WDR26: variants seen among roughly 807,000 people sequenced by gnomAD.
The protein encoded by WDR26 is WD repeat domain 26.
WDR26 carries 5 observed loss-of-function variants against 84.1 expected under a neutral mutation model. That is an observed-to-expected ratio of 0.06 (90% confidence interval 0.03 to 0.13). The LOEUF (loss-of-function observed/expected upper bound fraction) is 0.13, where lower values mean the gene tolerates loss of function less well. Among genes scored for constraint, WDR26 ranks in the 10% least tolerant of loss-of-function variants. The probability of loss-of-function intolerance (pLI) is 1.00; values close to 1 mark genes in which losing one functional copy is unlikely to be tolerated. For synonymous variants in WDR26, 415 were observed against 389.6 expected (o/e 1.07, Z -0.77); for missense variants, 642 against 974.9 (o/e 0.66, Z 4.55).
At chr1:224,428,707 AC>A (rs1223003191) in intron 3 of WDR26, among the ~76,000 whole-genome samples, 1 of 149,548 alleles carries the variant, frequency 6.7e-6, no homozygotes, top group Non-Finnish European at 1.5e-5. Flanking sequence ...GACCAGCCTG[AC>A]CAACATGGTG....
At position 224,424,497 on chromosome 1, in the gene WDR26, TC is replaced by T. The variant is rs1321873487; in HGVS notation, c.1064+20del. On this transcript the variant is annotated intron_variant, in intron 4 of 13. Transcript: ENST00000414423. ...ACTTTGGCCCTCCATTAACCTGAGT[TC>T]AAGAACTCAGTTTCCTTACCCACTA... 4.3e-6 allele frequency: 7 copies of T among 1,612,758 alleles called. No individual in the cohort carries two copies. The highest frequency in any genetic ancestry group is 5.9e-6 in the Non-Finnish European group (7 of 1,179,494).
At position 224,387,845 on chromosome 1, in the gene WDR26, C is replaced by T. The variant is rs531445123; in HGVS notation, c.*1990G>A. ...AGAGAAGTTGCCACTTAATTACATA[C>T]AGTTACCAATGAAGATTTTTATTCA... On this transcript the variant is annotated 3_prime_UTR_variant, in exon 14 of 14. Coordinates refer to ENST00000414423, the MANE Select transcript of WDR26 (RefSeq NM_001379403.1). The T allele has an allele frequency of 6.6e-6, 1 of 152,666 alleles. No homozygotes were observed. Among genetic ancestry groups the T allele is most frequent in the East Asian group, 1.9e-4 (1 of 5,184 alleles). The allele number at this position is 152,666 out of a possible 1,614,324, so 9.5% of individuals were successfully genotyped here.
At chr1:224,396,092 T>C (rs1673252169) in intron 12 of WDR26, among the ~76,000 whole-genome samples, 1 of 152,222 alleles carries the variant, frequency 6.6e-6, no homozygotes. Flanking sequence ...TATATCTGAT[T>C]GATGTTCAAA....
intron 7 of WDR26, 27 bp downstream of exon 7, chr1:224,411,400 T>C: frequency 6.3e-7 from 1 of 1,579,844 alleles, no homozygotes; most frequent in Non-Finnish European, 8.6e-7. Flanking sequence ...CCTTTTGTAA[T>C]ATAAACACTC....
In WDR26 at chr1:224,389,255, A is replaced by C. The variant is rs1673059740; in HGVS notation, c.*580T>G. On this transcript the variant is annotated 3_prime_UTR_variant, in exon 14 of 14. Transcript: ENST00000414423. ...AAATGTAATATTGAGAGTGCTTTTG[A>C]CATAGTTCACTGGTTTATCATCTGG... 1 of 161,678 alleles carries C rather than the reference A, an allele frequency of 6.2e-6. No individual in the cohort carries two copies. The highest frequency in any genetic ancestry group is 1.3e-5 in the Non-Finnish European group (1 of 74,550). 10.0% of individuals were successfully genotyped at this position (161,678 alleles called of 1,614,324 possible). A position where few individuals can be genotyped will look rare whatever the true frequency, so the allele number is the denominator to read the frequency against.
Position 224,433,825 on chromosome 1 carries a change from G to C in WDR26, c.581C>G (p.Ala194Gly). ...GGAGGCGGCGGTGGTGGCGGAGGCA[G>C]CTGCGACGGTGGCTGAGGATGCGGC... Residue 194 changes from alanine (A) to glycine (G), a missense_variant, in exon 1 of 14, where the codon GCT (alanine) becomes GGT (glycine). Physicochemically the swap from Ala to Gly is moderately conservative, Grantham distance 60. Coordinates refer to ENST00000414423, the MANE Select transcript of WDR26 (RefSeq NM_001379403.1). 3 of 1,536,934 alleles carry C rather than the reference G, an allele frequency of 2.0e-6. No homozygotes were observed. The highest frequency in any genetic ancestry group is 1.7e-6 in the Non-Finnish European group (2 of 1,146,796).
In WDR26 at chr1:224,433,921, G is replaced by C; in HGVS notation, c.485C>G (p.Ser162Cys). The change falls in exon 1 of 14, where the codon TCC becomes TGC. Residue 162 changes from serine to cysteine, a missense_variant. Ser to Cys is a moderately radical substitution (Grantham distance 112). Around this residue, in one of 2 missense-constraint regions of WDR26, gnomAD observed 291 missense variants for 302.1 expected, o/e 0.96. Coordinates refer to ENST00000414423, the MANE Select transcript of WDR26 (RefSeq NM_001379403.1). ...ATTGTTGCTGGCGGCGGAGGGGGCG[G>C]AAGGCAGGAGCCCATTGGCGTGGGC... 6.5e-7 allele frequency: 1 copy of C among 1,536,412 alleles called. No homozygotes were observed. Among genetic ancestry groups the C allele is most frequent in the Non-Finnish European group, 8.7e-7 (1 of 1,146,630 alleles).
In WDR26 at chr1:224,389,423, CTCTT is replaced by C. The variant is rs1673064322; in HGVS notation, c.*408_*411del. 6.9e-6 allele frequency: 3 copies of C among 435,220 alleles called. No individual in the cohort carries two copies. The highest frequency in any genetic ancestry group is 5.1e-5 in the South Asian group (1 of 19,548). The allele number at this position is 435,220 out of a possible 1,614,324, so 27.0% of individuals were successfully genotyped here. A position where few individuals can be genotyped will look rare whatever the true frequency, so the allele number is the denominator to read the frequency against. The stretch of plus-strand genomic sequence containing the variant: ...AATGTATACTCTTCAGACTAATGCA[CTCTT>C]TCTATCAAGCCTTCTAAACTGTTAA... On this transcript the variant is annotated 3_prime_UTR_variant, in exon 14 of 14. Coordinates refer to ENST00000414423, the MANE Select transcript of WDR26 (RefSeq NM_001379403.1).
At chr1:224,404,010 T>C (rs553892238) in intron 8 of WDR26, among the ~76,000 whole-genome samples, 1 of 152,324 alleles carries the variant, frequency 6.6e-6, no homozygotes, top group African/African-American at 2.4e-5. Context: ...TCAGTTAGCT[T>C]CACTAAACTA....
At chr1:224,392,096 T>G (rs573208778) in intron 13 of WDR26, among the ~76,000 whole-genome samples, 25 of 152,284 alleles carry the variant, frequency 1.6e-4, no homozygotes, top group African/African-American at 6.0e-4. Flanking sequence ...TCGCGGTGGC[T>G]CATGCCTGTA....
rs1350617911 is a variant in WDR26 at position 224,415,463 on chromosome 1, T to C, written c.1319+2797A>G. ...AACACGTATTTCTTTCTTTTTTTTT[T>C]TTTTTTTTTTTTTTTGAGACGGAGT... On this transcript the variant is annotated intron_variant, in intron 6 of 13. Coordinates refer to ENST00000414423, the MANE Select transcript of WDR26 (RefSeq NM_001379403.1). 3.3e-5 allele frequency among the ~76,000 whole-genome samples: 3 copies of C among 89,934 alleles called. No individual in the cohort carries two copies. The East Asian group carries it at 6.3e-4, about 19-fold the overall frequency. The allele number at this position is 89,934 out of a possible 152,430, so 59.0% of individuals were successfully genotyped here. A position where few individuals can be genotyped will look rare whatever the true frequency, so the allele number is the denominator to read the frequency against.
At chr1:224,400,856 A>G in intron 9 of WDR26, 94 bp downstream of exon 9, 1 of 1,519,796 alleles carries the variant, frequency 6.6e-7, no homozygotes, top group South Asian at 1.3e-5. Flanking sequence ...CACAGAGTAT[A>G]CTTTGTAAGA....
chr1:224,418,557 T>C (rs981787252), intron 5 of WDR26, 141 bp from the exon 6 acceptor site: 2 of 703,308 alleles, frequency 2.8e-6, no homozygotes, highest in Admixed American at 7.1e-5. Context: ...CGTTATGCGA[T>C]ACGTGAGCTT....
rs1673030378 is a variant in WDR26, at chr1:224,388,120, T to G, written c.*1715A>C. On this transcript the variant is annotated 3_prime_UTR_variant, in exon 14 of 14. Coordinates refer to ENST00000414423, the MANE Select transcript of WDR26 (RefSeq NM_001379403.1). ...TTTTAAGGCCAAATGTGTTTTTCTT[T>G]CTTCTCCCCTTCCCTGACTTTTCCC... 1.4e-5 allele frequency: 1 copy of G among 72,522 alleles called. No homozygotes were observed. Among genetic ancestry groups the G allele is most frequent in the Non-Finnish European group, 3.7e-5 (1 of 27,204 alleles). 4.5% of individuals were successfully genotyped at this position (72,522 alleles called of 1,614,324 possible).
chr1:224,395,786 C>A (rs146625833), intron 12 of WDR26, among the ~76,000 whole-genome samples: 6 of 152,010 alleles, frequency 3.9e-5, no homozygotes, highest in African/African-American at 1.4e-4. Flanking sequence ...CAGGAAAAAC[C>A]GGGTTTGAAG....
At chr1:224,422,913 A>C (rs1471300350) in intron 4 of WDR26, among the ~76,000 whole-genome samples, 1 of 152,228 alleles carries the variant, frequency 6.6e-6, no homozygotes, top group African/African-American at 2.4e-5. Flanking sequence ...ATGAGGCTTA[A>C]GTTCTTCCCT....
chr1:224,398,983 G>C lies in WDR26; in HGVS notation c.1771C>G (p.Leu591Val). Residue 591 changes from leucine (L) to valine (V), a missense_variant, in exon 10 of 14, where the codon CTT becomes GTT. By Grantham distance (32) the Leu-to-Val change is conservative. This residue lies in a region of WDR26 where 351 missense variants were observed against 672.8 expected (regional missense o/e 0.52). Transcript: ENST00000414423. ...GTCTTTCCATCACTCAAGCACCAAA[G>C]GCATTGCACTCTTACCCCTTCCCAG... 1 of 1,607,640 alleles carries C rather than the reference G, an allele frequency of 6.2e-7. No individual in the cohort carries two copies. Among genetic ancestry groups the C allele is most frequent in the Non-Finnish European group, 8.5e-7 (1 of 1,178,000 alleles).
At chr1:224,420,726 A>T (rs1325155009) in intron 4 of WDR26, among the ~76,000 whole-genome samples, 1 of 152,222 alleles carries the variant, frequency 6.6e-6, no homozygotes, top group African/African-American at 2.4e-5. Flanking sequence ...TAATGTAAGT[A>T]ATTATACTCA....
intron 3 of WDR26, among the ~76,000 whole-genome samples, chr1:224,428,154 G>A (rs889702029): frequency 1.3e-5 from 2 of 152,128 alleles, no homozygotes; most frequent in Non-Finnish European, 2.9e-5. Context: ...ATAGTTTCAC[G>A]TCGTAAATTC....
Sources: gnomAD v4.1 joint callset for allele counts (sites outside exome capture counted in the v4.1 genomes callset) on GRCh38, gnomAD v4.1.1 for gene constraint, gnomAD v4.1.1 regional missense constraint, MANE v1.5 for transcripts, NCBI Gene and HGNC (gene_info 2026-07-23, HGNC 2026-07-21) for gene names.